NT5DC1: variants seen among roughly 807,000 people sequenced by gnomAD.
NT5DC1 encodes 5'-nucleotidase domain containing 1.
Under a neutral mutation model 59.4 loss-of-function variants are expected in NT5DC1, and 42 were observed. The ratio of observed to expected loss-of-function variants is 0.71; its 90% CI spans 0.55 to 0.92. The LOEUF is 0.92. Among genes scored for constraint, NT5DC1 ranks in the 40% least tolerant of loss-of-function variants. The pLI is 0.00. For synonymous variants in NT5DC1, 172 were observed against 188.1 expected (o/e 0.91, Z 0.70); for missense variants, 501 against 537.1 (o/e 0.93, Z 0.66).
intron 6 of NT5DC1, among the ~76,000 whole-genome samples, chr6:116,197,949 GCT>G (rs1439332585): frequency 6.6e-6 from 1 of 152,052 alleles, no homozygotes; most frequent in Non-Finnish European, 1.5e-5. Context: ...TGCCACCAAA[GCT>G]CTCTGAATTT....
At chr6:116,130,592 G>A (rs1223182525) in intron 6 of NT5DC1, among the ~76,000 whole-genome samples, 1 of 152,066 alleles carries the variant, frequency 6.6e-6, no homozygotes, top group Non-Finnish European at 1.5e-5. Context: ...GGGTCCTAGG[G>A]ATGCACATTG....
intron 6 of NT5DC1, among the ~76,000 whole-genome samples, chr6:116,198,870 T>A (rs917854250): frequency 1.3e-5 from 2 of 152,038 alleles, no homozygotes; most frequent in Non-Finnish European, 2.9e-5. Context: ...TCCATGGTGA[T>A]CCCTCATAGC....
intron 7 of NT5DC1, among the ~76,000 whole-genome samples, 177 bp downstream of exon 7, chr6:116,221,405 G>T (rs1358201979): frequency 6.6e-6 from 1 of 152,166 alleles, no homozygotes; most frequent in Non-Finnish European, 1.5e-5. Flanking sequence ...GCCCAACCAA[G>T]TACATTTTAG....
chr6:116,232,629 G>A (rs888662388), intron 8 of NT5DC1, among the ~76,000 whole-genome samples: 10 of 152,060 alleles, frequency 6.6e-5, no homozygotes, highest in Admixed American at 1.3e-4. Flanking sequence ...TGAGGTTAGT[G>A]CTTCTGGCCT....
At position 116,135,734 on chromosome 6, in the gene NT5DC1, T is replaced by G. The variant is rs185021446; in HGVS notation, c.529+17789T>G. ...TCAACATACCCATCCCTGGTCATAG[T>G]TTCACAAATACTCAGCTTAAAAAAT... On this transcript the variant is annotated intron_variant, in intron 6 of 11. Coordinates refer to ENST00000319550, the MANE Select transcript of NT5DC1 (RefSeq NM_152729.3). Among the ~76,000 whole-genome samples the G allele has an allele frequency of 2.6e-3, 392 of 150,902 alleles. 10 individuals carry two copies. In the South Asian group the frequency reaches 0.043, roughly 17 times the overall value.
intron 6 of NT5DC1, among the ~76,000 whole-genome samples, chr6:116,158,997 T>G (rs1780270681): frequency 6.6e-6 from 1 of 152,192 alleles, no homozygotes; most frequent in African/African-American, 2.4e-5. Context: ...ATGCTTGCAT[T>G]AGAATAGCTC....
Position 116,248,575 on chromosome 6 carries a change from TA to T in NT5DC1, c.*4552del, listed in dbSNP as rs1199314219. ...TGATGAGAAGGTCAGAGAAGCCTTTTATAAGTGTCTGGCTTGCACTGAATGC... is the reference window on the plus strand; with the variant it reads ...TGATGAGAAGGTCAGAGAAGCCTTTTTAAGTGTCTGGCTTGCACTGAATGC... On this transcript the variant is annotated 3_prime_UTR_variant, in exon 12 of 12. Coordinates refer to ENST00000319550, the MANE Select transcript of NT5DC1 (RefSeq NM_152729.3). 3 of 152,248 alleles carry T rather than the reference TA, an allele frequency of 2.0e-5. No homozygotes were observed. The highest frequency in any genetic ancestry group is 1.3e-4 in the Admixed American group (2 of 15,282). The allele number at this position is 152,248 out of a possible 1,614,324, so 9.4% of individuals were successfully genotyped here.
chr6:116,137,992 C>T (rs935391587), intron 6 of NT5DC1, among the ~76,000 whole-genome samples: 1 of 151,926 alleles, frequency 6.6e-6, no homozygotes, highest in African/African-American at 2.4e-5. Context: ...GCAGGAGAAT[C>T]GCTTGAACTT....
intron 6 of NT5DC1, among the ~76,000 whole-genome samples, chr6:116,154,394 T>G (rs6915372): frequency 0.51 from 77,514 of 151,836 alleles, 20,914 homozygotes; most frequent in African/African-American, 0.69. Flanking sequence ...AAGGAGACAT[T>G]GTTATTACTT....
intron 8 of NT5DC1, among the ~76,000 whole-genome samples, chr6:116,232,872 T>C (rs1321981010): frequency 1.3e-5 from 2 of 152,222 alleles, no homozygotes. Context: ...AAATTACAGT[T>C]TCCAAGACAG....
Position 116,108,391 on chromosome 6 carries a change from A to C in NT5DC1, c.213A>C (p.Glu71Asp), listed in dbSNP as rs373037393. 88 of 1,609,592 alleles carry C rather than the reference A, an allele frequency of 5.5e-5. No homozygotes were observed. The highest frequency in any genetic ancestry group is 7.4e-5 in the Non-Finnish European group (87 of 1,176,132). Residue 71 changes from glutamate (E) to aspartate (D), a missense_variant, in exon 3 of 12, where the codon GAA (glutamate) becomes GAC (aspartate). Coordinates refer to ENST00000319550, the MANE Select transcript of NT5DC1 (RefSeq NM_152729.3). ...FCCKGLALDL[E>D]DGNFLKLANN... Reference sequence around the variant, plus strand: ...GCAAAGGTTTGGCATTGGATCTAGAAGATGGGAACTTCCTTAAACTTGCAA... The same window carrying C: ...GCAAAGGTTTGGCATTGGATCTAGACGATGGGAACTTCCTTAAACTTGCAA...
At chr6:116,229,492 C>T (rs1395724421) in intron 8 of NT5DC1, among the ~76,000 whole-genome samples, 5 of 152,170 alleles carry the variant, frequency 3.3e-5, no homozygotes, top group Non-Finnish European at 7.3e-5. Flanking sequence ...ATGCCAGTGT[C>T]AGTCAGGACT....
chr6:116,206,201 C>T (rs969249630), intron 6 of NT5DC1, among the ~76,000 whole-genome samples: 2 of 151,938 alleles, frequency 1.3e-5, no homozygotes, highest in Non-Finnish European at 2.9e-5. Flanking sequence ...TGCAGTGTGG[C>T]CCATAGCATT....
intron 6 of NT5DC1, among the ~76,000 whole-genome samples, chr6:116,207,476 A>G (rs761174491): frequency 1.6e-4 from 25 of 151,836 alleles, no homozygotes; most frequent in Admixed American, 1.3e-4. Context: ...ATTTTTTTTC[A>G]TGCTTACCGG....
intron 6 of NT5DC1, among the ~76,000 whole-genome samples, chr6:116,136,336 T>C (rs1159777357): frequency 1.3e-5 from 2 of 152,178 alleles, no homozygotes; most frequent in Non-Finnish European, 2.9e-5. Flanking sequence ...CACTTTTTTT[T>C]TTAAAGGACA....
At chr6:116,130,930 C>G (rs1370192217) in intron 6 of NT5DC1, among the ~76,000 whole-genome samples, 2 of 152,068 alleles carry the variant, frequency 1.3e-5, no homozygotes, top group East Asian at 3.8e-4. Flanking sequence ...GGTATTTTCA[C>G]TAGAGCTGCA....
At chr6:116,188,593 G>C (rs1016971470) in intron 6 of NT5DC1, among the ~76,000 whole-genome samples, 1 of 151,896 alleles carries the variant, frequency 6.6e-6, no homozygotes, top group African/African-American at 2.4e-5. Context: ...GGTTACACTA[G>C]AGCATAATTA....
intron 8 of NT5DC1, among the ~76,000 whole-genome samples, chr6:116,231,680 T>C (rs1286058177): frequency 2.0e-5 from 3 of 152,236 alleles, no homozygotes; most frequent in African/African-American, 7.2e-5. Flanking sequence ...GATCCTCTCA[T>C]GTTTGTAACT....
At chr6:116,144,013 C>T (rs780169807) in intron 6 of NT5DC1, among the ~76,000 whole-genome samples, 7 of 152,108 alleles carry the variant, frequency 4.6e-5, no homozygotes, top group Non-Finnish European at 7.4e-5. Context: ...GGAGCTTTAT[C>T]ATTATGATTT....
Sources: gnomAD v4.1 joint callset for allele counts (sites outside exome capture counted in the v4.1 genomes callset) on GRCh38, gnomAD v4.1.1 for gene constraint, MANE v1.5 for transcripts, NCBI Gene and HGNC (gene_info 2026-07-23, HGNC 2026-07-21) for gene names.